Variants in DHRS4L2 observed in about 807,000 individuals in gnomAD.
The protein encoded by DHRS4L2 is dehydrogenase/reductase SDR family member 4-like 2.
Under a neutral mutation model 23.9 loss-of-function variants are expected in DHRS4L2, and 22 were observed. That is an observed-to-expected ratio of 0.92 (90% CI 0.66 to 1.31). The LOEUF is 1.31. DHRS4L2 is among the 40% of genes most tolerant of loss of function. The pLI is 0.00. For synonymous variants in DHRS4L2, 141 were observed against 123.7 expected, an observed-to-expected ratio of 1.14 and a Z score of -0.93; for missense variants, 385 against 303.3, an observed-to-expected ratio of 1.27 and a Z score of -2.00.
exon 1 of DHRS4L2, chr14:23,970,311 C>T (rs1413523489): frequency 4.6e-6 from 2 of 435,174 alleles, no homozygotes; most frequent in Middle Eastern, 5.5e-4. Context: ...GAGCATCCTC[C>T]GCTGGAGCTG....
chr14:23,975,562 C>T (rs576478829), intron 1 of DHRS4L2, among the ~76,000 whole-genome samples: 1 of 151,822 alleles, frequency 6.6e-6, no homozygotes, highest in Admixed American at 6.5e-5. Context: ...ACTTTCCTCA[C>T]AGAATTGGAA....
intron 2 of DHRS4L2, among the ~76,000 whole-genome samples, chr14:23,993,494 A>C (rs72692118): frequency 6.6e-6 from 1 of 151,484 alleles, no homozygotes. Flanking sequence ...AAAGTTGACC[A>C]AGGGCCCACA....
intron 2 of DHRS4L2, among the ~76,000 whole-genome samples, chr14:23,991,664 GGA>G (rs2034272330): frequency 6.6e-6 from 1 of 151,570 alleles, no homozygotes; most frequent in African/African-American, 2.4e-5. Flanking sequence ...AGTCCACAGT[GGA>G]GAGCACAGGC....
At chr14:23,995,275 G>A (rs2034357876) in intron 3 of DHRS4L2, 142 bp downstream of exon 3, 1 of 975,770 alleles carries the variant, frequency 1.0e-6, no homozygotes. Flanking sequence ...AGCACACCTT[G>A]CAAAGGGCAG....
At chr14:23,991,523 G>C (rs543782814) in intron 2 of DHRS4L2, among the ~76,000 whole-genome samples, 8 of 151,886 alleles carry the variant, frequency 5.3e-5, no homozygotes, top group Admixed American at 4.6e-4. Context: ...GCCTGGCCCA[G>C]AAGTGGTACT....
chr14:23,976,359 C>T (rs376141645), intron 1 of DHRS4L2, among the ~76,000 whole-genome samples: 2 of 152,014 alleles, frequency 1.3e-5, no homozygotes, highest in Admixed American at 6.5e-5. Context: ...AATAAATGCT[C>T]ATCATCACTG....
intron 7 of DHRS4L2, among the ~76,000 whole-genome samples, chr14:24,005,506 C>G (rs1362793106): frequency 6.6e-6 from 1 of 152,064 alleles, no homozygotes; most frequent in Non-Finnish European, 1.5e-5. Context: ...TTTAAACACA[C>G]CATTTACTGT....
intron 1 of DHRS4L2, among the ~76,000 whole-genome samples, chr14:23,975,524 C>T (rs1237731913): frequency 6.6e-6 from 1 of 151,716 alleles, no homozygotes; most frequent in African/African-American, 2.4e-5. Flanking sequence ...ATTATAGACT[C>T]AATGCTATCC....
chr14:23,985,894 G>A (rs1302544983), upstream of DHRS4L2, among the ~76,000 whole-genome samples: 2 of 151,394 alleles, frequency 1.3e-5, no homozygotes, highest in Admixed American at 6.6e-5. Flanking sequence ...AGTAGAGACA[G>A]GGTTTCACCA....
Position 23,989,092 on chromosome 14 carries a change from G to C in DHRS4L2, c.128+17G>C. On this transcript the variant is annotated intron_variant, in intron 1 of 7. Coordinates refer to ENST00000335125, the MANE Select transcript of DHRS4L2 (RefSeq NM_198083.4). ...CACCGACGGGTGAGTGTTGGTGCCG[G>C]AGTTTCTGAGGCCCTGGCTGCCTGG... 4 of 1,557,870 alleles carry C rather than the reference G, an allele frequency of 2.6e-6. No individual in the cohort carries two copies. The highest frequency in any genetic ancestry group is 1.2e-5 in the South Asian group (1 of 84,560).
intron 3 of DHRS4L2, among the ~76,000 whole-genome samples, chr14:23,996,893 C>T (rs1298363000): frequency 9.9e-5 from 15 of 152,090 alleles, no homozygotes; most frequent in South Asian, 4.2e-4. Context: ...CCTCAGCCCC[C>T]CAAAATATTG....
At chr14:24,001,677 C>G (rs2034492952) in intron 6 of DHRS4L2, among the ~76,000 whole-genome samples, 160 bp downstream of exon 6, 1 of 131,840 alleles carries the variant, frequency 7.6e-6, no homozygotes, top group Non-Finnish European at 1.5e-5. Context: ...CCTATACAAG[C>G]CACACTCTTA....
intron 1 of DHRS4L2, among the ~76,000 whole-genome samples, chr14:23,979,111 G>A (rs1293676739): frequency 1.4e-5 from 2 of 146,094 alleles, no homozygotes; most frequent in Admixed American, 1.4e-4. Flanking sequence ...TATTTACCAA[G>A]CAAATGCAAA....
upstream of DHRS4L2, among the ~76,000 whole-genome samples, chr14:23,985,822 C>A (rs56003524): frequency 1.5e-4 from 23 of 151,090 alleles, no homozygotes; most frequent in African/African-American, 3.6e-4. Context: ...TCAAGCAATT[C>A]TCCTGCCTCA....
At chr14:23,983,619 T>A (rs1264716848) in intron 1 of DHRS4L2, among the ~76,000 whole-genome samples, 1 of 151,610 alleles carries the variant, frequency 6.6e-6, no homozygotes, top group African/African-American at 2.4e-5. Flanking sequence ...TAGCAAAGAC[T>A]TGGAACCAAC....
chr14:23,988,723 A>G, upstream of DHRS4L2: 1 of 1,297,934 alleles, frequency 7.7e-7, no homozygotes, highest in Non-Finnish European at 1.0e-6. Flanking sequence ...CGCTTTGATC[A>G]CTCACCAGCC....
At chr14:24,001,853 G>C (rs1436472182) in intron 6 of DHRS4L2, among the ~76,000 whole-genome samples, 2 of 101,228 alleles carry the variant, frequency 2.0e-5, no homozygotes, top group Admixed American at 9.7e-5. Context: ...CTGGGAGCTA[G>C]AAAAAAATAG....
chr14:23,998,610 C>A (rs2034427806), intron 3 of DHRS4L2, among the ~76,000 whole-genome samples: 1 of 151,634 alleles, frequency 6.6e-6, no homozygotes, highest in Middle Eastern at 3.4e-3. Flanking sequence ...ATGAACCAAC[C>A]ACTGCTAGCT....
Position 23,989,117 on chromosome 14 carries a change from G to C in DHRS4L2, c.128+42G>C, listed in dbSNP as rs774541424. ...GAGTTTCTGAGGCCCTGGCTGCCTGGAAACATGCACTGGTGTCTCGTCCTT... is the reference window on the plus strand; with the variant it reads ...GAGTTTCTGAGGCCCTGGCTGCCTGCAAACATGCACTGGTGTCTCGTCCTT... On this transcript the variant is annotated intron_variant, in intron 1 of 7. Transcript: ENST00000335125. The C allele has an allele frequency of 2.8e-5, 43 of 1,548,582 alleles. 1 individual carries two copies. The highest frequency in any genetic ancestry group is 3.8e-5 in the Non-Finnish European group (43 of 1,146,390).
Sources: allele counts gnomAD v4.1 joint callset (sites outside exome capture counted in the v4.1 genomes callset), GRCh38; gene constraint gnomAD v4.1.1; transcripts MANE v1.5; gene names NCBI Gene and HGNC (gene_info 2026-07-23, HGNC 2026-07-21).